ASIC2: variants seen among roughly 807,000 people sequenced by gnomAD.
ASIC2 encodes acid sensing ion channel subunit 2, also known as acid-sensing ion channel 2.
In ASIC2, 25 loss-of-function variants were observed where a neutral mutation model predicts 57.3. The ratio of observed to expected loss-of-function variants is 0.44; its 90% CI spans 0.32 to 0.61. ASIC2 has a LOEUF of 0.61. Among genes scored for constraint, ASIC2 ranks in the 20% least tolerant of loss-of-function variants. ASIC2 has a pLI of 0.06. For synonymous variants in ASIC2, 319 were observed against 307.5 expected, an observed-to-expected ratio of 1.04 and a Z score of -0.39; for missense variants, 641 against 738.1, an observed-to-expected ratio of 0.87 and a Z score of 1.52.
intron 1 of ASIC2, among the ~76,000 whole-genome samples, chr17:33,622,785 C>G (rs1905841749): frequency 6.6e-6 from 1 of 152,184 alleles, no homozygotes; most frequent in Admixed American, 6.5e-5. Flanking sequence ...CAAAATACAG[C>G]TGCACACATA....
intron 1 of ASIC2, among the ~76,000 whole-genome samples, chr17:33,707,476 T>C (rs748765191): frequency 7.2e-5 from 11 of 152,308 alleles, no homozygotes; most frequent in Non-Finnish European, 1.3e-4. Flanking sequence ...TACAGATAAA[T>C]TTGTCCATTC....
Position 33,292,246 on chromosome 17 carries a change from G to C in ASIC2, c.-131C>G. The C allele has an allele frequency of 1.0e-6, 1 of 994,622 alleles. No homozygotes were observed. The highest frequency in any genetic ancestry group is 1.2e-6 in the Non-Finnish European group (1 of 837,960). The allele number at this position is 994,622 out of a possible 1,614,324, so 61.6% of individuals were successfully genotyped here. Reference sequence around the variant, plus strand: ...GCCCGCGCCAGGGAAGCGTGCGCCCGAAAGGAGCTCCGGTGGCGCGGCATG... The same window carrying C: ...GCCCGCGCCAGGGAAGCGTGCGCCCCAAAGGAGCTCCGGTGGCGCGGCATG... On this transcript the variant is annotated 5_prime_UTR_variant, in exon 1 of 10. Transcript: ENST00000225823.
At chr17:33,025,836 A>C in intron 5 of ASIC2, 90 bp downstream of exon 5, 2 of 1,302,588 alleles carry the variant, frequency 1.5e-6, no homozygotes, top group Non-Finnish European at 1.1e-6. Context: ...TCCTTCTTCC[A>C]CTTGATCTTT....
chr17:33,947,550 C>T (rs1366572040), intron 1 of ASIC2, among the ~76,000 whole-genome samples: 1 of 152,044 alleles, frequency 6.6e-6, no homozygotes. Context: ...GTTCACAAAA[C>T]AGAGAAATGG....
At chr17:33,593,553 A>G (rs1165208156) in intron 1 of ASIC2, among the ~76,000 whole-genome samples, 2 of 152,194 alleles carry the variant, frequency 1.3e-5, no homozygotes, top group African/African-American at 4.8e-5. Flanking sequence ...CCTCTTGGTC[A>G]GGTTTTCTCT....
intron 1 of ASIC2, among the ~76,000 whole-genome samples, chr17:33,962,973 C>T (rs570015976): frequency 2.5e-4 from 38 of 152,272 alleles, no homozygotes; most frequent in Non-Finnish European, 4.3e-4. Context: ...CACATCTCTA[C>T]TTGGGGTGTC....
intron 1 of ASIC2, among the ~76,000 whole-genome samples, chr17:33,371,796 T>TA (rs1389228345): frequency 6.6e-6 from 1 of 152,216 alleles, no homozygotes; most frequent in African/African-American, 2.4e-5. Context: ...ACTGGGACTC[T>TA]AATCCTTAGA....
At chr17:33,033,481 G>T (rs751370644) in intron 3 of ASIC2, among the ~76,000 whole-genome samples, 11 of 152,320 alleles carry the variant, frequency 7.2e-5, no homozygotes, top group Middle Eastern at 3.4e-3. Context: ...CCCAGGTACA[G>T]CTGCAGCTGC....
chr17:34,099,140 G>GAC (rs1910677529), intron 1 of ASIC2, among the ~76,000 whole-genome samples: 1 of 24,850 alleles, frequency 4.0e-5, no homozygotes. Context: ...GAGAGAGAGA[G>GAC]AGAGACAGAG....
At chr17:33,311,876 G>A (rs894002834) in intron 1 of ASIC2, among the ~76,000 whole-genome samples, 1 of 152,052 alleles carries the variant, frequency 6.6e-6, no homozygotes, top group African/African-American at 2.4e-5. Flanking sequence ...CCTTCCTCTT[G>A]AGTTTCTCAG....
chr17:33,732,142 C>T (rs753264503), intron 1 of ASIC2, among the ~76,000 whole-genome samples: 16 of 152,172 alleles, frequency 1.1e-4, no homozygotes, highest in Non-Finnish European at 1.9e-4. Context: ...TAGGCTCAAA[C>T]ACACATAAAG....
intron 1 of ASIC2, among the ~76,000 whole-genome samples, chr17:33,921,739 G>A (rs185800068): frequency 6.6e-6 from 1 of 152,320 alleles, no homozygotes; most frequent in Non-Finnish European, 1.5e-5. Context: ...TAGATGGGGA[G>A]TTACGACCAC....
intron 1 of ASIC2, among the ~76,000 whole-genome samples, chr17:34,100,126 G>A (rs918365877): frequency 6.6e-6 from 1 of 151,780 alleles, no homozygotes; most frequent in Non-Finnish European, 1.5e-5. Flanking sequence ...AACAGTATCA[G>A]GAAAGGGAGA....
At chr17:34,072,157 G>GTAGTGC (rs1375106487) in intron 1 of ASIC2, 1 of 152,452 alleles carries the variant, frequency 6.6e-6, no homozygotes, top group African/African-American at 2.4e-5. Context: ...TTCCCAGTCA[G>GTAGTGC]TAGTGCTGGT....
intron 1 of ASIC2, among the ~76,000 whole-genome samples, chr17:33,797,735 A>G (rs780986819): frequency 6.6e-6 from 1 of 152,224 alleles, no homozygotes; most frequent in Non-Finnish European, 1.5e-5. Flanking sequence ...ATTTGTCTGC[A>G]GACAGAAGGC....
chr17:33,114,697 AGAT>A (rs1488070858), intron 1 of ASIC2, among the ~76,000 whole-genome samples: 1 of 152,238 alleles, frequency 6.6e-6, no homozygotes, highest in Non-Finnish European at 1.5e-5. Context: ...AAGCAACTGA[AGAT>A]GATGACAAGG....
chr17:33,985,279 A>G (rs2142006512), intron 1 of ASIC2, among the ~76,000 whole-genome samples: 1 of 152,202 alleles, frequency 6.6e-6, no homozygotes, highest in South Asian at 2.1e-4. Context: ...AATTATGCCC[A>G]CCCCAACCTC....
intron 1 of ASIC2, among the ~76,000 whole-genome samples, chr17:33,319,812 G>A (rs1197456679): frequency 6.6e-6 from 1 of 152,138 alleles, no homozygotes; most frequent in Non-Finnish European, 1.5e-5. Context: ...GGGATTAGAG[G>A]CATGAGCCAC....
intron 1 of ASIC2, among the ~76,000 whole-genome samples, chr17:33,543,108 G>A (rs1404491485): frequency 5.7e-5 from 8 of 141,196 alleles, no homozygotes; most frequent in African/African-American, 1.9e-4. Context: ...GACACAGGAA[G>A]GGGAATATCA....
Sources: gnomAD v4.1 joint callset for allele counts (sites outside exome capture counted in the v4.1 genomes callset) on GRCh38, gnomAD v4.1.1 for gene constraint, MANE v1.5 for transcripts, NCBI Gene and HGNC (gene_info 2026-07-23, HGNC 2026-07-21) for gene names.